HEATR4: variants seen among roughly 807,000 people sequenced by gnomAD.
HEATR4 encodes the protein HEAT repeat containing 4, also known as HEAT repeat-containing protein 4.
A neutral mutation model predicts 108.8 loss-of-function variants in HEATR4; 95 were observed. The observed-to-expected ratio is 0.87, with a 90% CI of 0.74 to 1.04. The LOEUF (loss-of-function observed/expected upper bound fraction) is 1.04. Among genes scored for constraint, HEATR4 ranks in the 50% least tolerant of loss-of-function variants. The probability of loss-of-function intolerance (pLI) is 0.00; values close to 1 mark genes in which losing one functional copy is unlikely to be tolerated. For synonymous variants in HEATR4, 443 were observed against 459.4 expected, an observed-to-expected ratio of 0.96 and a Z score of 0.46; for missense variants, 1,152 against 1,253.8, an observed-to-expected ratio of 0.92 and a Z score of 1.23.
At chr14:73,482,779 C>A (rs1885306796) in intron 17 of HEATR4, among the ~76,000 whole-genome samples, 1 of 152,084 alleles carries the variant, frequency 6.6e-6, no homozygotes, top group African/African-American at 2.4e-5. Flanking sequence ...ATGCCTCAGC[C>A]ACCCAAGTAG....
At chr14:73,539,007 A>C (rs1478841157) in intron 1 of HEATR4, among the ~76,000 whole-genome samples, 3 of 115,992 alleles carry the variant, frequency 2.6e-5, no homozygotes, top group African/African-American at 8.4e-5. Context: ...ACAACAACAA[A>C]AAATTTTCAA....
intron 6 of HEATR4, among the ~76,000 whole-genome samples, chr14:73,513,489 G>T (rs774757079): frequency 4.0e-5 from 6 of 151,460 alleles, no homozygotes; most frequent in Non-Finnish European, 5.9e-5. Context: ...TGGCGCGGTG[G>T]CCAAGGCGGG....
chr14:73,544,969 G>A (rs1324676423), intron 1 of HEATR4, among the ~76,000 whole-genome samples: 1 of 110,878 alleles, frequency 9.0e-6, no homozygotes, highest in Non-Finnish European at 1.9e-5. Flanking sequence ...TATATCACTT[G>A]ATATAAATAG....
the HEATR4 span, among the ~76,000 whole-genome samples, chr14:73,600,957 A>G: frequency 7.4e-5 from 11 of 148,644 alleles, no homozygotes; most frequent in South Asian, 4.3e-4. Flanking sequence ...CCCGGCCAAC[A>G]TGGCGAAACC....
chr14:73,612,809 C>T, the HEATR4 span: 1 of 1,418,878 alleles, frequency 7.0e-7, no homozygotes, highest in Non-Finnish European at 9.3e-7. Context: ...GCCCATGGGG[C>T]TGCTGTGGGC....
At chr14:73,633,132 G>A in the HEATR4 span, among the ~76,000 whole-genome samples, 1 of 151,322 alleles carries the variant, frequency 6.6e-6, no homozygotes, top group South Asian at 2.1e-4. Flanking sequence ...AGCCTCCCGA[G>A]TAGCTGGGAT....
In HEATR4 at chr14:73,535,697, T is replaced by G. The variant is rs1363441813; in HGVS notation, c.-151-5453A>C. The stretch of plus-strand genomic sequence containing the variant: ...AGTTTCACTGTGTTAGCCAGGATGG[T>G]GTCGATCTGCTGACCTCGTGATCCA... On this transcript the variant is annotated intron_variant, in intron 1 of 17. Coordinates refer to ENST00000553558, the MANE Select transcript of HEATR4 (RefSeq NM_001220484.1). Among the ~76,000 whole-genome samples the G allele has an allele frequency of 6.3e-5, 7 of 111,902 alleles. 1 individual carries two copies. Among genetic ancestry groups the G allele is most frequent in the African/African-American group, 2.0e-4 (7 of 34,646 alleles). 73.4% of individuals were successfully genotyped at this position (111,902 alleles called of 152,430 possible). A position where few individuals can be genotyped will look rare whatever the true frequency, so the allele number is the denominator to read the frequency against.
At chr14:73,528,620 G>A (rs1888510364) in intron 2 of HEATR4, among the ~76,000 whole-genome samples, 2 of 152,080 alleles carry the variant, frequency 1.3e-5, no homozygotes, top group African/African-American at 2.4e-5. Flanking sequence ...GTTACCTTGG[G>A]CAAATAATTT....
chr14:73,624,253 G>A, the HEATR4 span, among the ~76,000 whole-genome samples: 5 of 152,002 alleles, frequency 3.3e-5, no homozygotes, highest in African/African-American at 1.2e-4. Flanking sequence ...ATCCCGAGTA[G>A]CTGAGATTAC....
chr14:73,502,860 T>C (rs1043934820), intron 11 of HEATR4, 35 bp downstream of exon 11: 3 of 1,521,322 alleles, frequency 2.0e-6, no homozygotes, highest in Non-Finnish European at 1.8e-6. Flanking sequence ...TCTAAGAATT[T>C]AGAAGAGTGT....
chr14:73,625,580 C>T, the HEATR4 span, among the ~76,000 whole-genome samples: 2 of 152,014 alleles, frequency 1.3e-5, no homozygotes, highest in African/African-American at 4.8e-5. Flanking sequence ...AGGCTGGTCT[C>T]GAACTCCTGA....
chr14:73,505,596 A>G (rs906135478), intron 10 of HEATR4, among the ~76,000 whole-genome samples: 13 of 151,856 alleles, frequency 8.6e-5, no homozygotes, highest in Non-Finnish European at 1.9e-4. Flanking sequence ...GGATTTCACT[A>G]TGTTGGCCAG....
intron 1 of HEATR4, among the ~76,000 whole-genome samples, chr14:73,532,020 G>T (rs1287427858): frequency 8.8e-6 from 1 of 113,956 alleles, no homozygotes; most frequent in African/African-American, 2.9e-5. Context: ...CAGCAAGAGT[G>T]AAGTGCAGTC....
the HEATR4 span, chr14:73,617,109 T>C: frequency 5.0e-6 from 8 of 1,604,892 alleles, no homozygotes; most frequent in Non-Finnish European, 6.8e-6. Flanking sequence ...TTATTTCAGA[T>C]TTGAAGACCT....
At chr14:73,524,313 ATAT>A (rs1888194674) in intron 2 of HEATR4, among the ~76,000 whole-genome samples, 1,069 of 92,986 alleles carry the variant, frequency 0.011, 4 homozygotes, top group Non-Finnish European at 0.019. Flanking sequence ...AAAAAAAAAT[ATAT>A]ATATATATAT....
At chr14:73,616,709 T>A in the HEATR4 span, 13 of 229,910 alleles carry the variant, frequency 5.7e-5, no homozygotes, top group Middle Eastern at 1.3e-3. Flanking sequence ...ATTTTTTTTT[T>A]AATTTCAATA....
chr14:73,569,483 G>A, the HEATR4 span: 2 of 1,612,700 alleles, frequency 1.2e-6, no homozygotes, highest in Non-Finnish European at 1.7e-6. Context: ...ACGAACCGGT[G>A]CGAATCGCCG....
chr14:73,625,574 T>C, the HEATR4 span, among the ~76,000 whole-genome samples: 1 of 151,998 alleles, frequency 6.6e-6, no homozygotes, highest in East Asian at 1.9e-4. Flanking sequence ...TTGACCAGGC[T>C]GGTCTCGAAC....
the HEATR4 span, among the ~76,000 whole-genome samples, chr14:73,589,199 C>T: frequency 1.3e-3 from 193 of 152,316 alleles, no homozygotes; most frequent in Non-Finnish European, 2.2e-3. Context: ...TACAGAACAG[C>T]TTCACTGCCC....
Sources: gnomAD v4.1 joint callset for allele counts (sites outside exome capture counted in the v4.1 genomes callset) on GRCh38, gnomAD v4.1.1 for gene constraint, MANE v1.5 for transcripts, NCBI Gene and HGNC (gene_info 2026-07-23, HGNC 2026-07-21) for gene names.